PPP2R1B: variants seen among roughly 807,000 people sequenced by gnomAD.
PPP2R1B encodes serine/threonine-protein phosphatase 2A 65 kDa regulatory subunit A beta isoform.
Under a neutral mutation model 72.7 loss-of-function variants are expected in PPP2R1B, and 58 were observed. The observed-to-expected ratio is 0.80, with a 90% CI of 0.65 to 0.99. The LOEUF (loss-of-function observed/expected upper bound fraction) is 0.99. Ranked by LOEUF, PPP2R1B falls within the 50% of genes least tolerant of loss-of-function variation. PPP2R1B has a pLI of 0.00. For missense variants in PPP2R1B, 695 were observed against 733.6 expected (o/e 0.95, Z 0.61); for synonymous variants, 256 against 264.6 (o/e 0.97, Z 0.32).
intron 5 of PPP2R1B, among the ~76,000 whole-genome samples, chr11:111,759,333 C>T (rs782496255): frequency 6.6e-6 from 1 of 152,150 alleles, no homozygotes; most frequent in Non-Finnish European, 1.5e-5. Context: ...TATTTCTACA[C>T]CAAAGAGATC....
At chr11:111,752,443 T>A (rs1944944849) in intron 9 of PPP2R1B, 111 bp from the exon 10 acceptor site, 5 of 1,050,000 alleles carry the variant, frequency 4.8e-6, no homozygotes, top group Middle Eastern at 2.2e-4. Flanking sequence ...GAAAAAAAAA[T>A]GGATAATCTT....
At position 111,742,660 on chromosome 11, in the gene PPP2R1B, C is replaced by T. The variant is rs1323175537; in HGVS notation, c.1560G>A (p.Leu520=). 6.2e-7 allele frequency: 1 copy of T among 1,604,482 alleles called. No homozygotes were observed. Among genetic ancestry groups the T allele is most frequent in the Non-Finnish European group, 8.5e-7 (1 of 1,175,750 alleles). Reference sequence around the variant, plus strand: ...TTATTTCCTGACCACAGGCCTCAGACAGTGCCTAGAAAAATAAGTAAGATG... The same window carrying T: ...TTATTTCCTGACCACAGGCCTCAGATAGTGCCTAGAAAAATAAGTAAGATG... ...RMTTLFCINA[L]SEACGQEITT... The change falls in exon 13 of 15, where the codon CTG becomes CTA. Residue 520 remains leucine (L), a synonymous_variant. Transcript: ENST00000527614.
In PPP2R1B at chr11:111,760,890, G is replaced by A. The variant is rs782515309; in HGVS notation, c.468C>T (p.Arg156=). 42 of 1,614,192 alleles carry A rather than the reference G, an allele frequency of 2.6e-5. No homozygotes were observed. The highest frequency in any genetic ancestry group is 3.6e-5 in the Non-Finnish European group (42 of 1,180,034). Residue 156 remains arginine, a synonymous_variant, in exon 4 of 15, where the codon CGC becomes CGT. Coordinates refer to ENST00000527614, the MANE Select transcript of PPP2R1B (RefSeq NM_002716.5). ...RLASGDWFTS[R]TSACGLFSVC... is the part of the protein sequence containing the mutation. The stretch of plus-strand genomic sequence containing the variant: ...CGCTGAACAAACCACATGCAGATGT[G>A]CGAGAGGTGAACCAATCCCCACTTG...
At chr11:111,723,732 A>G (rs966307354), downstream of PPP2R1B, 1 of 1,614,038 alleles carries the variant, frequency 6.2e-7, no homozygotes, top group Admixed American at 1.7e-5. Flanking sequence ...AGCCAGTACC[A>G]AGAGATGCAG....
chr11:111,739,514 C>A lies in PPP2R1B; in HGVS notation c.*2082G>T, dbSNP rs1944449449. On this transcript the variant is annotated 3_prime_UTR_variant, in exon 15 of 15. Coordinates refer to ENST00000527614, the MANE Select transcript of PPP2R1B (RefSeq NM_002716.5). ...CACAAAAGACAGAGGCCCCGCTGAA[C>A]CCCCGACCCATGCTTGAGAAAGCCA... 3.0e-6 allele frequency: 3 copies of A among 985,406 alleles called. No individual in the cohort carries two copies. The South Asian group carries it at 1.4e-4, about 46-fold the overall frequency. 61.0% of individuals were successfully genotyped at this position (985,406 alleles called of 1,614,324 possible).
the PPP2R1B span, among the ~76,000 whole-genome samples, chr11:111,710,529 T>G: frequency 1.3e-5 from 2 of 152,194 alleles, no homozygotes; most frequent in African/African-American, 4.8e-5. Flanking sequence ...AAATCATCAA[T>G]CCAAGATTCT....
In PPP2R1B at chr11:111,739,928, AT is replaced by A. The variant is rs1320391136; in HGVS notation, c.*1667del. The A allele has an allele frequency of 2.0e-6, 2 of 980,186 alleles. No individual in the cohort carries two copies. The highest frequency in any genetic ancestry group is 3.5e-5 in the African/African-American group (2 of 57,138). The allele number at this position is 980,186 out of a possible 1,614,324, so 60.7% of individuals were successfully genotyped here. The stretch of plus-strand genomic sequence containing the variant: ...ATTTGGCAGTTTAAAATGCAGACAG[AT>A]AACCTCTGATTTACAATTTCTATTT... On this transcript the variant is annotated 3_prime_UTR_variant, in exon 15 of 15. Transcript: ENST00000527614.
the PPP2R1B span, among the ~76,000 whole-genome samples, chr11:111,698,456 C>A: frequency 3.3e-5 from 5 of 152,082 alleles, no homozygotes. Flanking sequence ...TTAAAACTTA[C>A]CAATGGGCCA....
the PPP2R1B span, among the ~76,000 whole-genome samples, chr11:111,719,553 G>T: frequency 1.3e-5 from 2 of 152,196 alleles, no homozygotes; most frequent in Non-Finnish European, 2.9e-5. Context: ...CTGGGCAGCA[G>T]TGCCAGTTTG....
intron 5 of PPP2R1B, 104 bp downstream of exon 5, chr11:111,759,700 G>A: frequency 7.7e-7 from 1 of 1,305,496 alleles, no homozygotes; most frequent in Non-Finnish European, 1.0e-6. Flanking sequence ...CACTAATTCT[G>A]TAAAAAGAAT....
At chr11:111,710,834 A>G in the PPP2R1B span, among the ~76,000 whole-genome samples, 2 of 152,232 alleles carry the variant, frequency 1.3e-5, no homozygotes, top group African/African-American at 2.4e-5. Context: ...AGGAGAAGCT[A>G]GAATCTCATA....
the PPP2R1B span, among the ~76,000 whole-genome samples, chr11:111,717,757 C>T: frequency 6.6e-6 from 1 of 152,150 alleles, no homozygotes; most frequent in Non-Finnish European, 1.5e-5. Context: ...GAATACCATG[C>T]ATACATAGAA....
At chr11:111,705,250 T>C in the PPP2R1B span, 1 of 1,186,112 alleles carries the variant, frequency 8.4e-7, no homozygotes, top group Non-Finnish European at 1.1e-6. The surrounding 1 kb of genome is among the most constrained non-coding windows in gnomAD (Gnocchi z 4.3). Context: ...ACTCCGTTTT[T>C]CTGTAAAATT....
At chr11:111,737,062 A>G (rs1231316326), downstream of PPP2R1B, among the ~76,000 whole-genome samples, 1 of 152,190 alleles carries the variant, frequency 6.6e-6, no homozygotes, top group Non-Finnish European at 1.5e-5. Flanking sequence ...GAAATAACTG[A>G]GAGGAATTAT....
At chr11:111,701,515 C>T in the PPP2R1B span, 1 of 1,613,898 alleles carries the variant, frequency 6.2e-7, no homozygotes, top group Non-Finnish European at 8.5e-7. The surrounding 1 kb of genome is among the most constrained non-coding windows in gnomAD (Gnocchi z 4.2). Flanking sequence ...ACCGACTCTT[C>T]CAATTTTGAG....
the PPP2R1B span, among the ~76,000 whole-genome samples, chr11:111,710,613 T>C: frequency 2.6e-4 from 39 of 152,332 alleles, no homozygotes; most frequent in East Asian, 6.0e-3. Flanking sequence ...CTTGTGATCA[T>C]TTGAAGGCTT....
At chr11:111,688,378 G>A in the PPP2R1B span, among the ~76,000 whole-genome samples, 2 of 152,174 alleles carry the variant, frequency 1.3e-5, 1 homozygote, top group Non-Finnish European at 2.9e-5. The surrounding 1 kb of genome is among the most constrained non-coding windows in gnomAD (Gnocchi z 4.2). Flanking sequence ...TACATCTGGG[G>A]TCTGATGTGT....
At chr11:111,697,507 A>G in the PPP2R1B span, among the ~76,000 whole-genome samples, 3 of 152,194 alleles carry the variant, frequency 2.0e-5, no homozygotes, top group Admixed American at 2.0e-4. Context: ...ATCGCAATAT[A>G]ATATCTATTT....
At position 111,743,450 on chromosome 11, in the gene PPP2R1B, T is replaced by C. The variant is rs116224725; in HGVS notation, c.1480A>G (p.Ile494Val). The C allele has an allele frequency of 6.2e-5, 100 of 1,613,746 alleles. No homozygotes were observed. The Middle Eastern group carries it at 6.6e-4, about 11-fold the overall frequency. ...GCCATTACTAACACTTTGGGAACAA[T>C]AGTATTTTGGGCCCACTCTGTACCA... ...KFGTEWAQNT[I>V]VPKVLVMAND... Residue 494 changes from isoleucine to valine, a missense_variant, in exon 12 of 15, where the codon ATT (isoleucine) becomes GTT (valine). Coordinates refer to ENST00000527614, the MANE Select transcript of PPP2R1B (RefSeq NM_002716.5).
Sources: gnomAD v4.1 joint callset for allele counts (sites outside exome capture counted in the v4.1 genomes callset) on GRCh38, gnomAD v4.1.1 for gene constraint, Gnocchi (gnomAD v3.1) non-coding constraint, MANE v1.5 for transcripts, NCBI Gene and HGNC (gene_info 2026-07-23, HGNC 2026-07-21) for gene names.